GABRG3: variants seen among roughly 807,000 people sequenced by gnomAD.
GABRG3 encodes the protein gamma-aminobutyric acid receptor subunit gamma-3.
GABRG3 carries 25 observed loss-of-function variants against 48.8 expected under a neutral mutation model. The observed-to-expected ratio is 0.51, with a 90% confidence interval of 0.37 to 0.72. GABRG3 has a LOEUF of 0.72. Among genes scored for constraint, GABRG3 ranks in the 30% least tolerant of loss-of-function variants. The pLI is 0.00. For synonymous variants in GABRG3, 227 were observed against 217.6 expected (o/e 1.04, Z -0.38); for missense variants, 394 against 577.9 (o/e 0.68, Z 3.26).
chr15:27,309,147 A>G (rs984135248), intron 3 of GABRG3, among the ~76,000 whole-genome samples: 1 of 106,784 alleles, frequency 9.4e-6, no homozygotes, highest in Non-Finnish European at 2.4e-5. Context: ...ATGTTTATAT[A>G]GAAACACATA....
chr15:27,470,587 TCA>T (rs1566855935), intron 5 of GABRG3, among the ~76,000 whole-genome samples: 1 of 151,978 alleles, frequency 6.6e-6, no homozygotes, highest in African/African-American at 2.4e-5. Context: ...AACTGTTTAT[TCA>T]CAGTTTCTAC....
chr15:27,523,098 C>T (rs1228677546), intron 7 of GABRG3, among the ~76,000 whole-genome samples: 2 of 151,750 alleles, frequency 1.3e-5, no homozygotes, highest in Admixed American at 6.6e-5. Flanking sequence ...GGATTATACT[C>T]AAATGGTAAA....
At chr15:27,069,211 T>C (rs1022890583) in intron 3 of GABRG3, among the ~76,000 whole-genome samples, 4 of 152,222 alleles carry the variant, frequency 2.6e-5, no homozygotes, top group African/African-American at 9.6e-5. Context: ...TTCTTAACAA[T>C]GAGTAATACT....
At chr15:27,087,723 T>C (rs766545675) in intron 3 of GABRG3, among the ~76,000 whole-genome samples, 1 of 152,004 alleles carries the variant, frequency 6.6e-6, no homozygotes, top group Non-Finnish European at 1.5e-5. Context: ...GTGTGTGGTA[T>C]GTACATGTAC....
intron 5 of GABRG3, among the ~76,000 whole-genome samples, chr15:27,423,242 TAAAAAAA>T (rs58007397): frequency 6.7e-5 from 5 of 74,754 alleles, no homozygotes; most frequent in East Asian, 9.7e-4. Flanking sequence ...GTCATTATGA[TAAAAAAA>T]AAAAAAAAAA....
intron 3 of GABRG3, among the ~76,000 whole-genome samples, chr15:27,286,055 G>T (rs1032848888): frequency 3.9e-5 from 6 of 152,296 alleles, no homozygotes; most frequent in Non-Finnish European, 8.8e-5. Flanking sequence ...CATGGGGATC[G>T]ATCACAGAAC....
chr15:27,073,228 A>G (rs1896856802), intron 3 of GABRG3, among the ~76,000 whole-genome samples: 1 of 152,222 alleles, frequency 6.6e-6, no homozygotes. Flanking sequence ...ATGGAGCCTC[A>G]TGAGATCCTG....
At chr15:27,511,350 G>A (rs1032906918) in intron 6 of GABRG3, among the ~76,000 whole-genome samples, 4 of 152,192 alleles carry the variant, frequency 2.6e-5, no homozygotes, top group African/African-American at 9.7e-5. Flanking sequence ...GCATCCCTGA[G>A]CCGTGTCCCC....
intron 5 of GABRG3, among the ~76,000 whole-genome samples, chr15:27,382,618 A>C (rs1343152879): frequency 6.6e-6 from 1 of 152,174 alleles, no homozygotes; most frequent in Non-Finnish European, 1.5e-5. Flanking sequence ...AATAAATGGG[A>C]GGAGAACGAG....
chr15:27,341,334 G>A (rs1160534397), intron 5 of GABRG3, among the ~76,000 whole-genome samples: 2 of 152,128 alleles, frequency 1.3e-5, no homozygotes, highest in African/African-American at 2.4e-5. Flanking sequence ...GCTTCTTTGT[G>A]TGTTTTTGTT....
At chr15:27,045,990 G>A (rs576792726) in intron 3 of GABRG3, among the ~76,000 whole-genome samples, 24 of 152,376 alleles carry the variant, frequency 1.6e-4, no homozygotes, top group South Asian at 6.2e-4. Flanking sequence ...GTGGGCAGAC[G>A]TGGGAACTGC....
intron 3 of GABRG3, among the ~76,000 whole-genome samples, chr15:27,270,966 G>A (rs1891065549): frequency 6.6e-6 from 1 of 152,170 alleles, no homozygotes; most frequent in South Asian, 2.1e-4. Flanking sequence ...ATTCTTTGGG[G>A]GAATGGGTGG....
At chr15:27,490,714 A>C (rs1890328562) in intron 6 of GABRG3, among the ~76,000 whole-genome samples, 1 of 152,234 alleles carries the variant, frequency 6.6e-6, no homozygotes, top group Non-Finnish European at 1.5e-5. Context: ...AGTTCCTTCC[A>C]GACCCCAACT....
intron 5 of GABRG3, among the ~76,000 whole-genome samples, chr15:27,343,047 A>AC (rs1894244266): frequency 6.6e-6 from 1 of 152,134 alleles, no homozygotes; most frequent in Non-Finnish European, 1.5e-5. Flanking sequence ...CCAAGACCCT[A>AC]CCTGTCTACT....
rs371438444 is a variant in GABRG3, at chr15:27,179,226, A to G, written c.271-147583A>G. On this transcript the variant is annotated intron_variant, in intron 3 of 9. Transcript: ENST00000615808. The surrounding 1 kb of genome is among the most constrained non-coding windows in gnomAD (Gnocchi z 4.0). ...AGAAATATTGCTTACTCCTATCATCAATGCATTGCCGTGATTTGCCATTTC... is the reference window on the plus strand; with the variant it reads ...AGAAATATTGCTTACTCCTATCATCGATGCATTGCCGTGATTTGCCATTTC... 2.6e-5 allele frequency among the ~76,000 whole-genome samples: 4 copies of G among 152,288 alleles called. No homozygotes were observed. Among genetic ancestry groups the G allele is most frequent in the African/African-American group, 9.6e-5 (4 of 41,560 alleles).
At chr15:27,306,523 A>G (rs985356695) in intron 3 of GABRG3, among the ~76,000 whole-genome samples, 8 of 135,984 alleles carry the variant, frequency 5.9e-5, no homozygotes, top group Non-Finnish European at 7.7e-5. Flanking sequence ...AAACATATAT[A>G]ATATAAACAT....
chr15:27,289,533 G>A (rs1445609724), intron 3 of GABRG3, among the ~76,000 whole-genome samples: 1 of 152,160 alleles, frequency 6.6e-6, no homozygotes, highest in African/African-American at 2.4e-5. Flanking sequence ...CTAGCTATCT[G>A]CAAATGAGTG....
At chr15:27,531,177 C>G (rs1285923366) in intron 9 of GABRG3, among the ~76,000 whole-genome samples, 3 of 152,150 alleles carry the variant, frequency 2.0e-5, no homozygotes, top group African/African-American at 7.2e-5. Context: ...GATGGCCACA[C>G]GTGTGAGGAG....
At chr15:27,026,701 C>A in intron 2 of GABRG3, 53 bp from the exon 3 acceptor site, 1 of 1,363,754 alleles carries the variant, frequency 7.3e-7, no homozygotes, top group South Asian at 1.3e-5. Context: ...AATGTGCTCT[C>A]CTCTGTCTTT....
Sources: gnomAD v4.1 joint callset for allele counts (sites outside exome capture counted in the v4.1 genomes callset) on GRCh38, gnomAD v4.1.1 for gene constraint, Gnocchi (gnomAD v3.1) non-coding constraint, MANE v1.5 for transcripts, NCBI Gene and HGNC (gene_info 2026-07-23, HGNC 2026-07-21) for gene names.